MIR2052HG: variants seen among roughly 807,000 people sequenced by gnomAD.
MIR2052HG encodes the protein MIR2052 host gene.
At chr8:74,600,112 C>G (rs1349742722) in intron 1 of MIR2052HG, among the ~76,000 whole-genome samples, 1 of 152,144 alleles carries the variant, frequency 6.6e-6, no homozygotes, top group Non-Finnish European at 1.5e-5. Flanking sequence ...CAGCCACTGA[C>G]CTTCGCCCAC....
intron 1 of MIR2052HG, among the ~76,000 whole-genome samples, chr8:74,611,892 C>T (rs1423755747): frequency 6.6e-6 from 1 of 152,170 alleles, no homozygotes; most frequent in Non-Finnish European, 1.5e-5. Context: ...GTTTGCCTGA[C>T]TTGGGTGTGA....
chr8:74,749,831 A>G (rs1171634389), intron 4 of MIR2052HG, among the ~76,000 whole-genome samples: 1 of 139,476 alleles, frequency 7.2e-6, no homozygotes, highest in African/African-American at 2.8e-5. Flanking sequence ...CCTGGAAGAC[A>G]GAGTGAGACT....
chr8:74,729,653 C>G (rs555035563), intron 4 of MIR2052HG, among the ~76,000 whole-genome samples: 1 of 152,054 alleles, frequency 6.6e-6, no homozygotes, highest in Non-Finnish European at 1.5e-5. Context: ...TTGGAAGGAA[C>G]ATGATAGAAA....
At chr8:74,719,630 G>A (rs981182258) in intron 4 of MIR2052HG, among the ~76,000 whole-genome samples, 7 of 150,782 alleles carry the variant, frequency 4.6e-5, no homozygotes, top group South Asian at 2.1e-4. Context: ...GGCTCTAGGC[G>A]CCCTCCACTT....
At chr8:74,608,743 C>T (rs1050686190) in intron 1 of MIR2052HG, among the ~76,000 whole-genome samples, 13 of 151,928 alleles carry the variant, frequency 8.6e-5, no homozygotes, top group East Asian at 3.9e-4. Context: ...GAAAATATTA[C>T]GAACTGAATG....
chr8:74,649,285 A>G (rs1808727759), intron 2 of MIR2052HG, among the ~76,000 whole-genome samples: 1 of 152,192 alleles, frequency 6.6e-6, no homozygotes, highest in Non-Finnish European at 1.5e-5. Flanking sequence ...TTTTATGAAA[A>G]TGACGCCTTG....
At chr8:74,627,798 G>A (rs1808455599) in intron 2 of MIR2052HG, among the ~76,000 whole-genome samples, 1 of 152,124 alleles carries the variant, frequency 6.6e-6, no homozygotes, top group South Asian at 2.1e-4. Context: ...ATTAAAGTAT[G>A]ACATAAGCAT....
chr8:74,705,110 C>T (rs1219956068), intron 4 of MIR2052HG, among the ~76,000 whole-genome samples: 1 of 151,452 alleles, frequency 6.6e-6, no homozygotes, highest in African/African-American at 2.4e-5. Flanking sequence ...AATGGGGCAA[C>T]TTTTGCATCA....
At chr8:74,654,147 G>A (rs1035862990) in intron 2 of MIR2052HG, among the ~76,000 whole-genome samples, 2 of 152,264 alleles carry the variant, frequency 1.3e-5, no homozygotes, top group Middle Eastern at 3.4e-3. Flanking sequence ...AAGAGCAGTA[G>A]AGATATGCTT....
chr8:74,639,691 T>G (rs1808618596), intron 2 of MIR2052HG, among the ~76,000 whole-genome samples: 1 of 152,224 alleles, frequency 6.6e-6, no homozygotes, highest in Non-Finnish European at 1.5e-5. Context: ...CACATTTTAT[T>G]TTTTCTCTGT....
intron 4 of MIR2052HG, among the ~76,000 whole-genome samples, chr8:74,746,030 G>A (rs1009160453): frequency 4.6e-5 from 7 of 152,134 alleles, no homozygotes; most frequent in Admixed American, 4.6e-4. Flanking sequence ...GGAAGAGACT[G>A]GCTCCAAATC....
intron 1 of MIR2052HG, among the ~76,000 whole-genome samples, chr8:74,601,800 C>A (rs1808004499): frequency 6.6e-6 from 1 of 152,080 alleles, no homozygotes; most frequent in African/African-American, 2.4e-5. Context: ...CTTACTAATA[C>A]CAGATTCTGA....
At chr8:74,739,518 C>T (rs1809804653) in intron 4 of MIR2052HG, among the ~76,000 whole-genome samples, 1 of 152,054 alleles carries the variant, frequency 6.6e-6, no homozygotes, top group Non-Finnish European at 1.5e-5. Flanking sequence ...TTAGAGTGCA[C>T]TGAGATGGCA....
At chr8:74,665,870 G>A (rs770985638) in intron 2 of MIR2052HG, among the ~76,000 whole-genome samples, 12 of 152,110 alleles carry the variant, frequency 7.9e-5, no homozygotes, top group South Asian at 4.1e-4. Context: ...AAAATCTGAT[G>A]GTTTTAAAAT....
chr8:74,617,264 T>A, intron 2 of MIR2052HG, among the ~76,000 whole-genome samples: 1 of 152,050 alleles, frequency 6.6e-6, no homozygotes, highest in Non-Finnish European at 1.5e-5. Context: ...TTTTGGAGTC[T>A]CCAGTATTTA....
intron 4 of MIR2052HG, among the ~76,000 whole-genome samples, chr8:74,750,678 A>G (rs1307738138): frequency 1.3e-5 from 2 of 152,206 alleles, no homozygotes; most frequent in Admixed American, 6.5e-5. Context: ...CACAGTTTCA[A>G]TGAAAACAGG....
At chr8:74,698,844 G>T (rs766188905) in intron 2 of MIR2052HG, among the ~76,000 whole-genome samples, 1 of 152,100 alleles carries the variant, frequency 6.6e-6, no homozygotes, top group African/African-American at 2.4e-5. Context: ...AAGCACCACG[G>T]CACATGTACA....
chr8:74,715,523 C>T (rs1460564478), intron 4 of MIR2052HG, among the ~76,000 whole-genome samples: 4 of 152,172 alleles, frequency 2.6e-5, no homozygotes, highest in African/African-American at 7.2e-5. Flanking sequence ...AAATCCCATT[C>T]TGTTTGTGAC....
At chr8:74,622,962 G>A (rs1311448470) in intron 2 of MIR2052HG, among the ~76,000 whole-genome samples, 1 of 152,174 alleles carries the variant, frequency 6.6e-6, no homozygotes, top group Non-Finnish European at 1.5e-5. Flanking sequence ...AAGGGTCACA[G>A]TAGCAGAAAG....
Sources: gnomAD v4.1 joint callset for allele counts (sites outside exome capture counted in the v4.1 genomes callset) on GRCh38, gnomAD v4.1.1 for gene constraint, MANE v1.5 for transcripts, NCBI Gene and HGNC (gene_info 2026-07-23, HGNC 2026-07-21) for gene names.